The following ESRRG variants were observed in gnomAD, a reference collection of about 807,000 sequenced individuals.
ESRRG encodes the protein estrogen related receptor gamma.
Under a neutral mutation model 44.0 loss-of-function variants are expected in ESRRG, and 13 were observed. The ratio of observed to expected loss-of-function variants is 0.30; its 90% CI spans 0.19 to 0.47. The LOEUF is 0.47. ESRRG is among the 20% of genes least tolerant of loss of function. The pLI, the probability that ESRRG is intolerant of heterozygous loss-of-function variation, is 1.00. For missense variants in ESRRG, 395 were observed against 580.6 expected, an observed-to-expected ratio of 0.68 and a Z score of 3.29; for synonymous variants, 215 against 214.6, an observed-to-expected ratio of 1.00 and a Z score of -0.02.
intron 2 of ESRRG, among the ~76,000 whole-genome samples, chr1:216,912,590 C>T (rs140561059): frequency 2.6e-5 from 4 of 152,118 alleles, no homozygotes; most frequent in Non-Finnish European, 4.4e-5. Context: ...TTTATTCATA[C>T]TAGTAAATAA....
intron 2 of ESRRG, among the ~76,000 whole-genome samples, chr1:216,660,646 TG>T (rs1167287374): frequency 1.3e-5 from 2 of 152,234 alleles, no homozygotes; most frequent in Non-Finnish European, 2.9e-5. Flanking sequence ...CTGTTGCTAT[TG>T]TTGCCAGTCA....
intron 3 of ESRRG, among the ~76,000 whole-genome samples, chr1:216,596,051 T>G (rs562698156): frequency 1.3e-5 from 2 of 152,296 alleles, no homozygotes; most frequent in Non-Finnish European, 2.9e-5. Flanking sequence ...GTTTCTTACG[T>G]TGCTTCCAAC....
chr1:216,707,725 T>A (rs925311092), intron 1 of ESRRG, among the ~76,000 whole-genome samples: 1 of 152,224 alleles, frequency 6.6e-6, no homozygotes, highest in Non-Finnish European at 1.5e-5. Flanking sequence ...TACTTTTGAA[T>A]GATCAAGAAA....
intron 1 of ESRRG, among the ~76,000 whole-genome samples, chr1:217,114,976 T>C (rs1223383139): frequency 1.3e-5 from 2 of 152,072 alleles, no homozygotes; most frequent in Non-Finnish European, 2.9e-5. Flanking sequence ...GTTTTTCTAG[T>C]TAACAGTGTC....
At chr1:216,786,174 C>G (rs535959789) in intron 2 of ESRRG, among the ~76,000 whole-genome samples, 11 of 152,160 alleles carry the variant, frequency 7.2e-5, no homozygotes, top group South Asian at 6.2e-4. Flanking sequence ...AAGGGATTCT[C>G]TCTTCTATAT....
chr1:216,675,658 T>G (rs1449660239), intron 2 of ESRRG, among the ~76,000 whole-genome samples: 3 of 152,178 alleles, frequency 2.0e-5, no homozygotes, highest in African/African-American at 7.2e-5. Flanking sequence ...CCCAGAGGGT[T>G]GGTAAAATGC....
At chr1:216,933,614 ATGTGG>A (rs1231438029) in intron 2 of ESRRG, among the ~76,000 whole-genome samples, 1 of 152,216 alleles carries the variant, frequency 6.6e-6, no homozygotes, top group Admixed American at 6.5e-5. Context: ...TAAGACCAAA[ATGTGG>A]TGAAGAAGAA....
chr1:216,805,734 GAAA>G (rs57697657), intron 2 of ESRRG, among the ~76,000 whole-genome samples: 2 of 136,224 alleles, frequency 1.5e-5, no homozygotes, highest in Non-Finnish European at 1.6e-5. Context: ...TTTGTAATTG[GAAA>G]AAAAAAAAAA....
chr1:216,597,704 T>C (rs2058643110), intron 3 of ESRRG, among the ~76,000 whole-genome samples: 1 of 152,122 alleles, frequency 6.6e-6, no homozygotes, highest in Admixed American at 6.6e-5. Flanking sequence ...GGATTACTGA[T>C]AACTGAGATA....
chr1:216,510,153 G>A (rs2042291386), intron 6 of ESRRG, among the ~76,000 whole-genome samples: 1 of 152,236 alleles, frequency 6.6e-6, no homozygotes, highest in East Asian at 1.9e-4. Flanking sequence ...AAAAATCTTG[G>A]ATACTGGGCC....
chr1:216,671,183 T>G (rs1240591256), intron 2 of ESRRG, among the ~76,000 whole-genome samples: 1 of 152,218 alleles, frequency 6.6e-6, no homozygotes, highest in Non-Finnish European at 1.5e-5. Flanking sequence ...GAGAATTTTA[T>G]GTTTTATGCA....
intron 2 of ESRRG, among the ~76,000 whole-genome samples, chr1:216,758,629 C>T (rs1260181686): frequency 1.9e-4 from 29 of 151,816 alleles, no homozygotes. Flanking sequence ...CAAATATTTT[C>T]CCAATACTGA....
chr1:216,516,573 T>C (rs1377298192), intron 6 of ESRRG, among the ~76,000 whole-genome samples: 3 of 150,324 alleles, frequency 2.0e-5, no homozygotes, highest in Non-Finnish European at 4.4e-5. Context: ...TACACTGAAA[T>C]AGATTTTCAT....
chr1:216,592,613 G>T (rs1426935500), intron 3 of ESRRG, among the ~76,000 whole-genome samples: 1 of 151,966 alleles, frequency 6.6e-6, no homozygotes, highest in Non-Finnish European at 1.5e-5. Flanking sequence ...CGATTCTCCT[G>T]CCTCAGCCTC....
intron 2 of ESRRG, among the ~76,000 whole-genome samples, chr1:216,809,854 G>A (rs981231575): frequency 5.9e-5 from 9 of 152,138 alleles, no homozygotes; most frequent in African/African-American, 2.2e-4. Context: ...TCTTGAAATG[G>A]CAGTCAGGCA....
intron 2 of ESRRG, among the ~76,000 whole-genome samples, chr1:216,776,277 T>C (rs553949742): frequency 1.3e-5 from 2 of 152,234 alleles, no homozygotes; most frequent in East Asian, 3.9e-4. Flanking sequence ...TACCCTGTCC[T>C]TTGCACATAC....
At chr1:217,127,279 G>T (rs1377594611) in intron 1 of ESRRG, among the ~76,000 whole-genome samples, 3 of 152,056 alleles carry the variant, frequency 2.0e-5, no homozygotes, top group Non-Finnish European at 4.4e-5. Context: ...ATATGTTTTG[G>T]TTATAAGCTA....
At chr1:217,072,293 CAT>C (rs2090658524) in intron 1 of ESRRG, among the ~76,000 whole-genome samples, 2 of 152,258 alleles carry the variant, frequency 1.3e-5, no homozygotes, top group East Asian at 1.9e-4. Flanking sequence ...TGATTCTTCA[CAT>C]ATGTTTTCTG....
intron 2 of ESRRG, among the ~76,000 whole-genome samples, chr1:216,778,154 T>C (rs2093682527): frequency 6.6e-6 from 1 of 151,980 alleles, no homozygotes; most frequent in Non-Finnish European, 1.5e-5. Context: ...ATTTGTGTGC[T>C]GGGGGTGGGG....
Sources: allele counts gnomAD v4.1 joint callset (sites outside exome capture counted in the v4.1 genomes callset), GRCh38; gene constraint gnomAD v4.1.1; transcripts MANE v1.5; gene names NCBI Gene and HGNC (gene_info 2026-07-23, HGNC 2026-07-21).